Variants in DLGAP1 observed in about 807,000 individuals in gnomAD.
DLGAP1 encodes the protein disks large-associated protein 1.
DLGAP1 carries 11 observed loss-of-function variants against 90.8 expected under a neutral mutation model. That is an observed-to-expected ratio of 0.12 (90% CI 0.08 to 0.20). The LOEUF is 0.20. Ranked by LOEUF, DLGAP1 falls within the 10% of genes least tolerant of loss-of-function variation. The pLI is 1.00. For missense variants in DLGAP1, 1,050 were observed against 1,333.8 expected, an observed-to-expected ratio of 0.79 and a Z score of 3.31; for synonymous variants, 558 against 540.7, an observed-to-expected ratio of 1.03 and a Z score of -0.44.
At chr18:3,995,498 C>T (rs980580812) in intron 3 of DLGAP1, 1 of 152,196 alleles carries the variant, frequency 6.6e-6, no homozygotes, top group African/African-American at 2.4e-5. Context: ...AACTTATGGG[C>T]TCAGGGTTTG....
intron 9 of DLGAP1, among the ~76,000 whole-genome samples, chr18:3,545,265 C>T (rs1711616102): frequency 6.6e-6 from 1 of 151,582 alleles, no homozygotes. Flanking sequence ...CAGAGCAAAA[C>T]CCCGTCTCCA....
Position 3,653,919 on chromosome 18 carries a change from A to T in DLGAP1, c.1592-71671T>A, listed in dbSNP as rs1313097195. The stretch of plus-strand genomic sequence containing the variant: ...TAGCTAAGCAGTGGCAAGGCCGACC[A>T]TCTGAGGTTTGATTTCTCATCAAGA... On this transcript the variant is annotated intron_variant, in intron 7 of 12. Coordinates refer to ENST00000315677, the MANE Select transcript of DLGAP1 (RefSeq NM_004746.4). This position sits in a 1 kb window ranked among gnomAD's most constrained non-coding sequence, Gnocchi z 4.6. 1 of 151,990 alleles carries T rather than the reference A, an allele frequency of 6.6e-6. No individual in the cohort carries two copies. Among genetic ancestry groups the T allele is most frequent in the African/African-American group, 2.4e-5 (1 of 41,260 alleles). The allele number at this position is 151,990 out of a possible 1,614,324, so 9.4% of individuals were successfully genotyped here. A position where few individuals can be genotyped will look rare whatever the true frequency, so the allele number is the denominator to read the frequency against.
intron 1 of DLGAP1, among the ~76,000 whole-genome samples, chr18:4,190,981 G>A (rs1021401787): frequency 2.0e-5 from 3 of 151,964 alleles, no homozygotes; most frequent in African/African-American, 7.3e-5. Flanking sequence ...GAAACTCATG[G>A]CTTAAAGGAG....
At chr18:3,952,216 C>A (rs984644043) in intron 3 of DLGAP1, among the ~76,000 whole-genome samples, 2 of 152,172 alleles carry the variant, frequency 1.3e-5, no homozygotes, top group African/African-American at 4.8e-5. Context: ...AAGAAAAAAG[C>A]ATTTCCCCTC....
intron 4 of DLGAP1, among the ~76,000 whole-genome samples, chr18:3,858,219 C>T (rs908626730): frequency 1.9e-4 from 29 of 152,196 alleles, no homozygotes; most frequent in African/African-American, 6.3e-4. Flanking sequence ...ATCATTTTTA[C>T]TTTTCTCTTT....
intron 1 of DLGAP1, among the ~76,000 whole-genome samples, chr18:4,233,068 G>T (rs377424863): frequency 6.6e-5 from 10 of 152,296 alleles, no homozygotes; most frequent in African/African-American, 2.4e-4. Flanking sequence ...TTTATAAAAG[G>T]TTGAAAAATT....
intron 1 of DLGAP1, among the ~76,000 whole-genome samples, chr18:4,335,560 T>G (rs1255919929): frequency 4.6e-5 from 7 of 152,140 alleles, no homozygotes; most frequent in Non-Finnish European, 1.0e-4. Flanking sequence ...TGGGAAGTCC[T>G]GTGGTTTCAC....
At chr18:3,574,297 G>C (rs1256073901) in intron 8 of DLGAP1, among the ~76,000 whole-genome samples, 1 of 151,986 alleles carries the variant, frequency 6.6e-6, no homozygotes, top group Non-Finnish European at 1.5e-5. Flanking sequence ...TTTGTAAATT[G>C]AGTGTTTACT....
At chr18:3,963,470 A>G (rs2073249958) in intron 3 of DLGAP1, among the ~76,000 whole-genome samples, 1 of 151,180 alleles carries the variant, frequency 6.6e-6, no homozygotes, top group South Asian at 2.1e-4. Context: ...TTACTGACAC[A>G]TTTGCCCCAG....
chr18:4,445,751 A>C (rs1411977398), intron 1 of DLGAP1, among the ~76,000 whole-genome samples: 1 of 152,086 alleles, frequency 6.6e-6, no homozygotes, highest in African/African-American at 2.4e-5. Context: ...AAAATGTTAA[A>C]AATGTGAATA....
At chr18:3,507,576 G>A (rs952078447) in intron 11 of DLGAP1, among the ~76,000 whole-genome samples, 3 of 151,980 alleles carry the variant, frequency 2.0e-5, no homozygotes, top group Non-Finnish European at 4.4e-5. Context: ...TCAATTGTTG[G>A]GGATAAAAGA....
At chr18:3,807,194 A>C (rs1191389525) in intron 5 of DLGAP1, among the ~76,000 whole-genome samples, 3 of 152,142 alleles carry the variant, frequency 2.0e-5, no homozygotes, top group Non-Finnish European at 4.4e-5. Context: ...ACGCCCCTTC[A>C]AATCCATGCT....
chr18:3,683,861 A>C (rs551205885), intron 7 of DLGAP1, among the ~76,000 whole-genome samples: 1 of 152,222 alleles, frequency 6.6e-6, no homozygotes, highest in East Asian at 1.9e-4. Flanking sequence ...TTTTTTGGGA[A>C]ATCACTTACT....
At chr18:4,257,870 C>G (rs200777515) in intron 1 of DLGAP1, among the ~76,000 whole-genome samples, 5 of 152,028 alleles carry the variant, frequency 3.3e-5, no homozygotes, top group African/African-American at 1.2e-4. Context: ...AGTGATCCAT[C>G]TGCCTCGGCT....
rs74377716 is a variant in DLGAP1, at chr18:4,123,610, A to G, written c.-159+27570T>C. Among the ~76,000 whole-genome samples the G allele has an allele frequency of 6.5e-3, 986 of 152,292 alleles. 10 individuals are homozygous for G. Among genetic ancestry groups the G allele is most frequent in the Middle Eastern group, 0.034 (10 of 294 alleles). On this transcript the variant is annotated intron_variant, in intron 2 of 12. Coordinates refer to ENST00000315677, the MANE Select transcript of DLGAP1 (RefSeq NM_004746.4). ...ATTAGAAATGCTGATCTACTCTTCA[A>G]TCAAGAGGGAAGTCACTGGAGCTGC...
Position 3,647,255 on chromosome 18 carries a change from AAAATAAAT to A in DLGAP1, c.1592-65015_1592-65008del, listed in dbSNP as rs111658352. Among the ~76,000 whole-genome samples, 5 of 150,090 alleles carry A rather than the reference AAAATAAAT, an allele frequency of 3.3e-5. No homozygotes were observed. In the East Asian group the frequency reaches 7.9e-4, roughly 24 times the overall value. ...GGCAACAAGAGTGAAAATCCATCTC[AAAATAAAT>A]AAATAAATAAATAAAAATATACATG... On this transcript the variant is annotated intron_variant, in intron 7 of 12. Coordinates refer to ENST00000315677, the MANE Select transcript of DLGAP1 (RefSeq NM_004746.4).
intron 5 of DLGAP1, among the ~76,000 whole-genome samples, chr18:3,812,259 C>G (rs1164141142): frequency 6.6e-6 from 1 of 152,094 alleles, no homozygotes; most frequent in Non-Finnish European, 1.5e-5. Context: ...CATTTCATGT[C>G]ACCTTGGTCC....
intron 3 of DLGAP1, among the ~76,000 whole-genome samples, chr18:3,981,902 T>C (rs2073738993): frequency 6.6e-6 from 1 of 152,214 alleles, no homozygotes; most frequent in South Asian, 2.1e-4. Flanking sequence ...ACACATACTT[T>C]TCATTGCTAA....
intron 1 of DLGAP1, among the ~76,000 whole-genome samples, chr18:4,162,739 T>G (rs1456450039): frequency 2.0e-5 from 3 of 152,126 alleles, no homozygotes; most frequent in Non-Finnish European, 4.4e-5. Flanking sequence ...ATTGAGCTCC[T>G]GGTCACAAGG....
Sources: gnomAD v4.1 joint callset for allele counts (sites outside exome capture counted in the v4.1 genomes callset) on GRCh38, gnomAD v4.1.1 for gene constraint, Gnocchi (gnomAD v3.1) non-coding constraint, MANE v1.5 for transcripts, NCBI Gene and HGNC (gene_info 2026-07-23, HGNC 2026-07-21) for gene names.